PIBF1: variants seen among roughly 807,000 people sequenced by gnomAD.
The protein encoded by PIBF1 is progesterone immunomodulatory binding factor 1.
Under a neutral mutation model 112.5 loss-of-function variants are expected in PIBF1, and 90 were observed. That is an observed-to-expected ratio of 0.80 (90% CI 0.67 to 0.95). PIBF1 has a LOEUF of 0.95. Ranked by LOEUF, PIBF1 falls within the 40% of genes least tolerant of loss-of-function variation. The probability of loss-of-function intolerance (pLI) is 0.00; values close to 1 mark genes in which losing one functional copy is unlikely to be tolerated. For missense variants in PIBF1, 915 were observed against 852.3 expected, an observed-to-expected ratio of 1.07 and a Z score of -0.92; for synonymous variants, 301 against 288.6, an observed-to-expected ratio of 1.04 and a Z score of -0.44.
chr13:72,892,109 A>C (rs2138560089), intron 10 of PIBF1, among the ~76,000 whole-genome samples: 1 of 152,266 alleles, frequency 6.6e-6, no homozygotes, highest in East Asian at 1.9e-4. Context: ...ATGATGTGCA[A>C]ATTTGTAAAT....
intron 14 of PIBF1, among the ~76,000 whole-genome samples, chr13:72,953,753 G>T (rs905145425): frequency 1.4e-4 from 21 of 152,252 alleles, no homozygotes; most frequent in Middle Eastern, 6.8e-3. Context: ...TCTGCCTTCA[G>T]GTGTCATAAT....
chr13:72,969,009 G>A (rs938752078), intron 15 of PIBF1, among the ~76,000 whole-genome samples: 1 of 150,952 alleles, frequency 6.6e-6, no homozygotes, highest in African/African-American at 2.5e-5. Context: ...CAGCCTGGGT[G>A]ACAAAGCAAA....
At chr13:72,905,335 G>A (rs933353167) in intron 11 of PIBF1, among the ~76,000 whole-genome samples, 7 of 151,818 alleles carry the variant, frequency 4.6e-5, no homozygotes, top group Non-Finnish European at 1.0e-4. Context: ...CAAAGTGCTG[G>A]GATTACCGGC....
At chr13:72,786,145 T>G (rs1460650351) in intron 2 of PIBF1, among the ~76,000 whole-genome samples, 1 of 152,164 alleles carries the variant, frequency 6.6e-6, no homozygotes, top group Non-Finnish European at 1.5e-5. Context: ...AATAATAAAC[T>G]TATTATTTAC....
In PIBF1 at chr13:72,854,112, G is replaced by A; in HGVS notation, c.1279G>A (p.Ala427Thr). 6.2e-7 allele frequency: 1 copy of A among 1,613,488 alleles called. No homozygotes were observed. Among genetic ancestry groups the A allele is most frequent in the Non-Finnish European group, 8.5e-7 (1 of 1,179,510 alleles). ...AVAEKERAVM[A>T]EKDALEKHDQ... is the part of the protein sequence containing the mutation. ...GGCTGAAAAGGAACGAGCAGTGATGGCTGAAAAGGATGCTTTAGAAAAACA... is the reference window on the plus strand; with the variant it reads ...GGCTGAAAAGGAACGAGCAGTGATGACTGAAAAGGATGCTTTAGAAAAACA... The change falls in exon 10 of 18, where the codon GCT becomes ACT. Residue 427 changes from alanine to threonine, a missense_variant. Coordinates refer to ENST00000326291, the MANE Select transcript of PIBF1 (RefSeq NM_006346.4).
chr13:72,790,484 ACC>A (rs2034853241), intron 2 of PIBF1, among the ~76,000 whole-genome samples: 33 of 148,456 alleles, frequency 2.2e-4, no homozygotes, highest in African/African-American at 7.9e-4. Flanking sequence ...GATCACACAC[ACC>A]CTTATAGATA....
chr13:72,874,685 T>G (rs180911344), intron 10 of PIBF1, among the ~76,000 whole-genome samples: 6 of 152,296 alleles, frequency 3.9e-5, no homozygotes, highest in Admixed American at 3.9e-4. Context: ...TTGAAACTTA[T>G]GAACTTGCAC....
intron 11 of PIBF1, among the ~76,000 whole-genome samples, chr13:72,894,483 C>T (rs1185685001): frequency 1.3e-5 from 2 of 151,672 alleles, no homozygotes; most frequent in Admixed American, 1.3e-4. Flanking sequence ...AAAGTGTGTT[C>T]TGAGGCAAGA....
chr13:72,971,216 G>A (rs1594293502), intron 15 of PIBF1, among the ~76,000 whole-genome samples: 1 of 148,306 alleles, frequency 6.7e-6, no homozygotes, highest in Non-Finnish European at 1.5e-5. Flanking sequence ...ATGTGTGTGT[G>A]TGTGTGTATG....
At chr13:72,913,071 A>G (rs9573063) in intron 12 of PIBF1, among the ~76,000 whole-genome samples, 90,090 of 150,960 alleles carry the variant, frequency 0.6, 27,502 homozygotes, top group East Asian at 0.76. Flanking sequence ...TTTTTTTTTT[A>G]TTTTTAAAAA....
At chr13:72,966,579 AT>A (rs1278272602) in intron 15 of PIBF1, among the ~76,000 whole-genome samples, 1 of 152,020 alleles carries the variant, frequency 6.6e-6, no homozygotes. Context: ...CCCAAATAGA[AT>A]TTTTTCCTCC....
At chr13:72,792,668 A>G in intron 3 of PIBF1, 121 bp downstream of exon 3, 1 of 574,784 alleles carries the variant, frequency 1.7e-6, no homozygotes, top group Non-Finnish European at 3.1e-6. Flanking sequence ...AGAGATAGCA[A>G]TAATTTTTAC....
chr13:72,927,972 T>TACAC (rs1488573854), intron 13 of PIBF1, among the ~76,000 whole-genome samples: 18 of 72,614 alleles, frequency 2.5e-4, no homozygotes, highest in African/African-American at 7.3e-4. Flanking sequence ...CATATATATA[T>TACAC]ATATACATAT....
intron 11 of PIBF1, among the ~76,000 whole-genome samples, chr13:72,899,715 C>T (rs112963986): frequency 0.014 from 2,104 of 152,210 alleles, 67 homozygotes; most frequent in African/African-American, 0.048. Flanking sequence ...TGCCCATTCT[C>T]ACCACTCCTC....
At chr13:72,826,129 ATAATC>A (rs1179865930) in intron 6 of PIBF1, among the ~76,000 whole-genome samples, 4 of 152,072 alleles carry the variant, frequency 2.6e-5, no homozygotes, top group Non-Finnish European at 4.4e-5. Flanking sequence ...TTAATTAAAA[ATAATC>A]TAAACATTCT....
At chr13:72,817,963 A>G (rs1223211279) in intron 5 of PIBF1, among the ~76,000 whole-genome samples, 1 of 152,176 alleles carries the variant, frequency 6.6e-6, no homozygotes, top group East Asian at 1.9e-4. Context: ...GAAAAATTGT[A>G]AATAAAGTGC....
intron 14 of PIBF1, among the ~76,000 whole-genome samples, chr13:72,943,574 A>T (rs927253016): frequency 2.0e-5 from 3 of 152,216 alleles, no homozygotes; most frequent in African/African-American, 7.2e-5. Flanking sequence ...GGCCTACAAG[A>T]CAATGTCCAG....
intron 17 of PIBF1, among the ~76,000 whole-genome samples, chr13:73,010,985 C>A (rs535737568): frequency 6.6e-6 from 1 of 151,726 alleles, no homozygotes; most frequent in African/African-American, 2.4e-5. Context: ...TGCCACCACA[C>A]CCGGCTAATT....
At chr13:72,924,302 AT>A (rs2041404776) in intron 13 of PIBF1, among the ~76,000 whole-genome samples, 2 of 151,936 alleles carry the variant, frequency 1.3e-5, no homozygotes, top group South Asian at 4.2e-4. Flanking sequence ...GTTGTACTTT[AT>A]TTTTTTTCTT....
Sources: allele counts gnomAD v4.1 joint callset (sites outside exome capture counted in the v4.1 genomes callset), GRCh38; gene constraint gnomAD v4.1.1; transcripts MANE v1.5; gene names NCBI Gene and HGNC (gene_info 2026-07-23, HGNC 2026-07-21).